The following TOM1L1 variants were observed in gnomAD, a reference collection of about 807,000 sequenced individuals.
The protein encoded by TOM1L1 is TOM1-like protein 1.
TOM1L1 carries 64 observed loss-of-function variants against 63.4 expected under a neutral mutation model. The observed-to-expected ratio is 1.01, with a 90% CI of 0.83 to 1.24. The LOEUF is 1.24. Ranked by LOEUF, TOM1L1 falls within the 50% of genes most tolerant of loss-of-function variation. The pLI, the probability that TOM1L1 is intolerant of heterozygous loss-of-function variation, is 0.00. For missense variants in TOM1L1, 536 were observed against 567.0 expected (o/e 0.95, Z 0.55); for synonymous variants, 166 against 194.4 (o/e 0.85, Z 1.22).
chr17:54,934,017 G>C (rs911000768), intron 8 of TOM1L1, among the ~76,000 whole-genome samples: 1 of 152,200 alleles, frequency 6.6e-6, no homozygotes, highest in Non-Finnish European at 1.5e-5. Flanking sequence ...CACAATTTAC[G>C]TGTGAGAAGG....
intron 12 of TOM1L1, 116 bp downstream of exon 12, chr17:54,947,428 C>A: frequency 8.5e-7 from 1 of 1,179,660 alleles, no homozygotes; most frequent in Non-Finnish European, 1.2e-6. Flanking sequence ...GATGCGCAGC[C>A]CCTGTTAGCA....
At chr17:54,924,872 G>C (rs1240758348) in intron 7 of TOM1L1, among the ~76,000 whole-genome samples, 6 of 152,090 alleles carry the variant, frequency 3.9e-5, no homozygotes, top group African/African-American at 1.4e-4. Context: ...TTTGATGGCT[G>C]GTTGTCCAAA....
intron 7 of TOM1L1, among the ~76,000 whole-genome samples, chr17:54,918,529 C>T (rs2048629123): frequency 6.6e-6 from 1 of 152,140 alleles, no homozygotes; most frequent in Non-Finnish European, 1.5e-5. Flanking sequence ...AATGGAGTAT[C>T]ATGCCATGCC....
chr17:54,915,307 G>A (rs2048569218), intron 6 of TOM1L1, among the ~76,000 whole-genome samples: 1 of 152,088 alleles, frequency 6.6e-6, no homozygotes, highest in South Asian at 2.1e-4. Flanking sequence ...GGAAGAAAAG[G>A]TGTTTCTTTA....
intron 7 of TOM1L1, among the ~76,000 whole-genome samples, chr17:54,928,459 T>G (rs1232095971): frequency 4.6e-5 from 7 of 152,200 alleles, no homozygotes; most frequent in Admixed American, 4.6e-4. Context: ...ATATGGGAGA[T>G]GCCTTTGGCA....
At position 54,930,162 on chromosome 17, in the gene TOM1L1, T is replaced by G; in HGVS notation, c.810T>G (p.Ile270Met). Residue 270 changes from isoleucine to methionine, a missense_variant, in exon 8 of 16, where the codon ATT (isoleucine) becomes ATG (methionine). By Grantham distance (10) the Ile-to-Met change is conservative. Transcript: ENST00000575882. ...VENEDVTVEL[I>M]QVNEDLNNAI... is the part of the protein sequence containing the mutation. The stretch of plus-strand genomic sequence containing the variant: ...ACGAAGATGTAACTGTTGAGCTAAT[T>G]CAGGTGAATGAGGATTTGAATAATG... The G allele has an allele frequency of 6.2e-7, 1 of 1,614,094 alleles. No individual in the cohort carries two copies. The highest frequency in any genetic ancestry group is 8.5e-7 in the Non-Finnish European group (1 of 1,179,996).
At chr17:54,935,658 C>T (rs546070846) in intron 8 of TOM1L1, among the ~76,000 whole-genome samples, 3 of 152,160 alleles carry the variant, frequency 2.0e-5, no homozygotes, top group Non-Finnish European at 4.4e-5. Context: ...GAAGTCATAC[C>T]CTTAGTCATA....
At chr17:54,900,980 T>C (rs1006858532) in intron 1 of TOM1L1, 57 bp downstream of exon 1, 31 of 1,609,152 alleles carry the variant, frequency 1.9e-5, no homozygotes, top group Non-Finnish European at 2.4e-5. Context: ...GATCCTTTCC[T>C]GCTTGATCCA....
chr17:54,952,584 A>G, intron 14 of TOM1L1: 1 of 152,288 alleles, frequency 6.6e-6, no homozygotes, highest in Non-Finnish European at 1.5e-5. Context: ...CTGCTGATTA[A>G]AAGTGTGGAA....
chr17:54,919,117 T>C lies in TOM1L1; in HGVS notation c.720+3255T>C, dbSNP rs1449104176. 2.6e-5 allele frequency among the ~76,000 whole-genome samples: 4 copies of C among 152,180 alleles called. No homozygotes were observed. The South Asian group carries it at 8.3e-4, about 32-fold the overall frequency. Reference sequence around the variant, plus strand: ...CAGTAAGCAAGAGTAATATTAAATATATCCTCTTTATGTGGGATGTAAAAA... The same window carrying C: ...CAGTAAGCAAGAGTAATATTAAATACATCCTCTTTATGTGGGATGTAAAAA... On this transcript the variant is annotated intron_variant, in intron 7 of 15. Transcript: ENST00000575882.
Position 54,961,634 on chromosome 17 carries a change from G to C in TOM1L1, c.*401G>C, listed in dbSNP as rs552337861. On this transcript the variant is annotated 3_prime_UTR_variant, in exon 16 of 16. Coordinates refer to ENST00000575882, the MANE Select transcript of TOM1L1 (RefSeq NM_005486.3). Reference sequence around the variant, plus strand: ...ATGAAAGCATAAAATGTGAGAAACTGAATGTATTATTCAGGAAGAATACTG... The same window carrying C: ...ATGAAAGCATAAAATGTGAGAAACTCAATGTATTATTCAGGAAGAATACTG... 9.1e-7 allele frequency: 1 copy of C among 1,096,144 alleles called. No individual in the cohort carries two copies. Among genetic ancestry groups the C allele is most frequent in the Non-Finnish European group, 1.1e-6 (1 of 901,102 alleles). The allele number at this position is 1,096,144 out of a possible 1,614,324, so 67.9% of individuals were successfully genotyped here.
chr17:54,942,099 A>G (rs932623947), intron 11 of TOM1L1, among the ~76,000 whole-genome samples: 5 of 152,014 alleles, frequency 3.3e-5, no homozygotes, highest in African/African-American at 1.2e-4. Flanking sequence ...GATAAAACAT[A>G]GGTCATTTTT....
intron 11 of TOM1L1, among the ~76,000 whole-genome samples, chr17:54,946,239 CA>C (rs1000279024): frequency 6.6e-6 from 1 of 152,166 alleles, no homozygotes; most frequent in Non-Finnish European, 1.5e-5. Flanking sequence ...ATGCCCAGGT[CA>C]GGGGGTGAGC....
intron 11 of TOM1L1, among the ~76,000 whole-genome samples, chr17:54,944,320 C>T (rs1449541314): frequency 6.6e-6 from 1 of 151,660 alleles, no homozygotes; most frequent in East Asian, 2.0e-4. Context: ...CGTGGTGGTG[C>T]GCATCTGTAA....
rs768831778 is a variant in TOM1L1, at chr17:54,900,936, G to C, written c.58+13G>C. The C allele has an allele frequency of 2.0e-5, 32 of 1,613,744 alleles. No homozygotes were observed. The highest frequency in any genetic ancestry group is 2.7e-5 in the Non-Finnish European group (32 of 1,180,014). On this transcript the variant is annotated intron_variant, in intron 1 of 15. Coordinates refer to ENST00000575882, the MANE Select transcript of TOM1L1 (RefSeq NM_005486.3). ...GGCCACCTCATAGGTAAGGAGGCGCGGGGAGAGACGCCCAGGCAGGCAGGG... is the reference window on the plus strand; with the variant it reads ...GGCCACCTCATAGGTAAGGAGGCGCCGGGAGAGACGCCCAGGCAGGCAGGG...
At chr17:54,939,818 C>A (rs1030449903) in intron 11 of TOM1L1, among the ~76,000 whole-genome samples, 44 of 152,232 alleles carry the variant, frequency 2.9e-4, no homozygotes, top group African/African-American at 9.6e-4. Context: ...CCGCCTTGGC[C>A]TCCTAAAGTG....
At chr17:54,946,471 A>G (rs1356498220) in intron 11 of TOM1L1, among the ~76,000 whole-genome samples, 2 of 152,186 alleles carry the variant, frequency 1.3e-5, no homozygotes, top group Non-Finnish European at 2.9e-5. Context: ...CACAGCTCCT[A>G]TTGAAGAGGA....
At chr17:54,959,872 C>G (rs140283847) in intron 14 of TOM1L1, among the ~76,000 whole-genome samples, 1 of 152,174 alleles carries the variant, frequency 6.6e-6, no homozygotes, top group Non-Finnish European at 1.5e-5. Flanking sequence ...CCACCTCAGC[C>G]TCCCAGAGTG....
chr17:54,925,910 A>AAACAAC (rs10675478), intron 7 of TOM1L1, among the ~76,000 whole-genome samples: 51,784 of 141,308 alleles, frequency 0.37, 9,668 homozygotes, highest in African/African-American at 0.53. Flanking sequence ...CTCAAACAAA[A>AAACAAC]AACAACAACA....
Sources: gnomAD v4.1 joint callset for allele counts (sites outside exome capture counted in the v4.1 genomes callset) on GRCh38, gnomAD v4.1.1 for gene constraint, MANE v1.5 for transcripts, NCBI Gene and HGNC (gene_info 2026-07-23, HGNC 2026-07-21) for gene names.